Variants in MRAP2 observed in about 807,000 individuals in gnomAD.
The protein encoded by MRAP2 is melanocortin 2 receptor accessory protein 2, also known as melanocortin-2 receptor accessory protein 2.
MRAP2 carries 20 observed loss-of-function variants against 17.4 expected under a neutral mutation model. The observed-to-expected ratio is 1.15, with a 90% CI of 0.81 to 1.67. MRAP2 has a LOEUF of 1.67. MRAP2 is among the 40% of genes most tolerant of loss of function. The probability of loss-of-function intolerance (pLI) is 0.00; values close to 1 mark genes in which losing one functional copy is unlikely to be tolerated. For missense variants in MRAP2, 238 were observed against 240.0 expected, an observed-to-expected ratio of 0.99 and a Z score of 0.05; for synonymous variants, 96 against 88.4, an observed-to-expected ratio of 1.09 and a Z score of -0.48.
At chr6:84,057,822 T>C (rs1244147521) in intron 2 of MRAP2, among the ~76,000 whole-genome samples, 1 of 151,972 alleles carries the variant, frequency 6.6e-6, no homozygotes, top group Middle Eastern at 3.2e-3. Flanking sequence ...GGTAAAGGGA[T>C]GTGGAGTGTG....
chr6:84,110,433 G>GT, the MRAP2 span, among the ~76,000 whole-genome samples: 1 of 151,822 alleles, frequency 6.6e-6, no homozygotes, highest in African/African-American at 2.4e-5. Flanking sequence ...TTTTTGATGG[G>GT]GTTTTTTTTT....
intron 3 of MRAP2, among the ~76,000 whole-genome samples, chr6:84,064,623 G>A (rs1304671568): frequency 6.6e-6 from 1 of 152,170 alleles, no homozygotes; most frequent in East Asian, 1.9e-4. Context: ...CAGTAGCTGG[G>A]ACTACAGGCA....
intron 1 of MRAP2, among the ~76,000 whole-genome samples, chr6:84,036,254 G>A (rs1196312835): frequency 2.0e-5 from 3 of 151,988 alleles, no homozygotes; most frequent in Non-Finnish European, 2.9e-5. Context: ...GGTTCATCAT[G>A]CAAAGGAATA....
At chr6:84,122,809 C>T in the MRAP2 span, among the ~76,000 whole-genome samples, 5 of 152,054 alleles carry the variant, frequency 3.3e-5, no homozygotes, top group African/African-American at 4.8e-5. Flanking sequence ...GCTGATGACA[C>T]GATTGTATAC....
At chr6:84,082,435 C>T (rs2099499235) in intron 3 of MRAP2, among the ~76,000 whole-genome samples, 2 of 152,184 alleles carry the variant, frequency 1.3e-5, no homozygotes, top group Non-Finnish European at 2.9e-5. Flanking sequence ...TCTTCAGTAA[C>T]ATGCTTAAGC....
intron 1 of MRAP2, among the ~76,000 whole-genome samples, chr6:84,049,112 C>A (rs527309434): frequency 6.6e-6 from 1 of 152,188 alleles, no homozygotes; most frequent in African/African-American, 2.4e-5. Flanking sequence ...TACTACAGAG[C>A]CAGGAAACAC....
At chr6:84,078,099 G>T (rs1430168315) in intron 3 of MRAP2, among the ~76,000 whole-genome samples, 1 of 152,160 alleles carries the variant, frequency 6.6e-6, no homozygotes, top group Non-Finnish European at 1.5e-5. Flanking sequence ...TTGTGTCTTA[G>T]AGAAGATGTA....
the MRAP2 span, among the ~76,000 whole-genome samples, chr6:84,129,174 T>G: frequency 3.9e-5 from 6 of 152,160 alleles, no homozygotes; most frequent in African/African-American, 7.2e-5. Context: ...GTCTTAATAG[T>G]AGAATGATTT....
chr6:84,076,408 G>A (rs920001603), intron 3 of MRAP2, among the ~76,000 whole-genome samples: 12 of 152,142 alleles, frequency 7.9e-5, no homozygotes, highest in African/African-American at 2.9e-4. Context: ...ATTTTTAGTA[G>A]AGATGGGGTT....
the MRAP2 span, among the ~76,000 whole-genome samples, chr6:84,108,997 T>G: frequency 6.6e-6 from 1 of 152,174 alleles, no homozygotes; most frequent in Non-Finnish European, 1.5e-5. Flanking sequence ...TGTGGTCCTA[T>G]TTCTGGGCTC....
At chr6:84,089,009 C>T in intron 3 of MRAP2, 82 bp from the exon 4 acceptor site, 1 of 1,481,128 alleles carries the variant, frequency 6.8e-7, no homozygotes, top group Non-Finnish European at 9.0e-7. Context: ...ATGTGCTGGC[C>T]TGCCCTACGT....
At chr6:84,070,815 A>G (rs2099496020) in intron 3 of MRAP2, among the ~76,000 whole-genome samples, 1 of 152,162 alleles carries the variant, frequency 6.6e-6, no homozygotes, top group Non-Finnish European at 1.5e-5. Flanking sequence ...CCATTACATA[A>G]TATCCCTCTT....
At chr6:84,034,016 T>G in intron 1 of MRAP2, 133 bp downstream of exon 1, 6 of 643,064 alleles carry the variant, frequency 9.3e-6, no homozygotes, top group South Asian at 1.4e-4. Context: ...GGCTAGAGAA[T>G]GGGGTGGGAG....
At chr6:84,135,629 G>A in the MRAP2 span, among the ~76,000 whole-genome samples, 1 of 152,168 alleles carries the variant, frequency 6.6e-6, no homozygotes, top group African/African-American at 2.4e-5. Flanking sequence ...TTGGGAGGCT[G>A]AGACGGGTGA....
the MRAP2 span, among the ~76,000 whole-genome samples, chr6:84,131,384 C>G: frequency 3.0e-4 from 46 of 152,280 alleles, no homozygotes; most frequent in African/African-American, 1.1e-3. Flanking sequence ...GAGCTGAGTT[C>G]AAGTCCTGAA....
At position 84,089,550 on chromosome 6, in the gene MRAP2, C is replaced by A; in HGVS notation, c.*69C>A. 6.6e-7 allele frequency: 1 copy of A among 1,516,892 alleles called. No homozygotes were observed. The highest frequency in any genetic ancestry group is 8.9e-7 in the Non-Finnish European group (1 of 1,121,658). The allele number at this position is 1,516,892 out of a possible 1,614,324, so 94.0% of individuals were successfully genotyped here. On this transcript the variant is annotated 3_prime_UTR_variant, in exon 4 of 4. Transcript: ENST00000257776. ...TCTTTATGTAGCAAGAAATCTACAT[C>A]CACCAAAATTGTGTGTGTTTGGGGG...
intron 3 of MRAP2, among the ~76,000 whole-genome samples, chr6:84,068,574 G>A (rs983281994): frequency 6.6e-6 from 1 of 151,920 alleles, no homozygotes; most frequent in Non-Finnish European, 1.5e-5. Context: ...GCAGTGTTTT[G>A]TAGTTTTCCT....
chr6:84,080,737 T>C (rs990782824), intron 3 of MRAP2, among the ~76,000 whole-genome samples: 8 of 152,200 alleles, frequency 5.3e-5, no homozygotes, highest in African/African-American at 1.9e-4. Context: ...AAGTAACAGG[T>C]ACAAAGTTTA....
intron 1 of MRAP2, among the ~76,000 whole-genome samples, chr6:84,053,888 T>C (rs1349060422): frequency 6.6e-6 from 1 of 151,944 alleles, no homozygotes; most frequent in Non-Finnish European, 1.5e-5. Context: ...AGTATGATGA[T>C]GTGGGGTTGG....
Sources: allele counts gnomAD v4.1 joint callset (sites outside exome capture counted in the v4.1 genomes callset), GRCh38; gene constraint gnomAD v4.1.1; transcripts MANE v1.5; gene names NCBI Gene and HGNC (gene_info 2026-07-23, HGNC 2026-07-21).